CRHR1: variants seen among roughly 807,000 people sequenced by gnomAD.
CRHR1 encodes corticotropin-releasing hormone receptor 1.
In CRHR1, 28 loss-of-function variants were observed where a neutral mutation model predicts 56.0. The observed-to-expected ratio is 0.50, with a 90% CI of 0.37 to 0.69. CRHR1 has a LOEUF of 0.69. CRHR1 is among the 30% of genes least tolerant of loss of function. The pLI is 0.00. For synonymous variants in CRHR1, 195 were observed against 216.5 expected, an observed-to-expected ratio of 0.90 and a Z score of 0.87; for missense variants, 376 against 548.0, an observed-to-expected ratio of 0.69 and a Z score of 3.13.
At chr17:45,799,457 C>A (rs918435625) in intron 1 of CRHR1, 4 of 152,200 alleles carry the variant, frequency 2.6e-5, no homozygotes, top group South Asian at 2.1e-4. Context: ...GACCTCATTT[C>A]TTTTTCGCGT....
At chr17:45,823,883 G>A (rs1260701113) in intron 4 of CRHR1, among the ~76,000 whole-genome samples, 2 of 152,212 alleles carry the variant, frequency 1.3e-5, no homozygotes, top group Admixed American at 1.3e-4. Context: ...GTTCTTCCAC[G>A]GTGCTGCTCT....
At chr17:45,793,052 C>T (rs2061454498) in intron 1 of CRHR1, among the ~76,000 whole-genome samples, 4 of 152,352 alleles carry the variant, frequency 2.6e-5, no homozygotes, top group South Asian at 4.1e-4. Flanking sequence ...CCCCAATGAA[C>T]GTCTGTCTGA....
chr17:45,808,494 C>T (rs368970884), intron 2 of CRHR1, among the ~76,000 whole-genome samples: 9 of 152,320 alleles, frequency 5.9e-5, no homozygotes, highest in African/African-American at 2.2e-4. Context: ...CCTCTTGAAC[C>T]TCACCTTGCC....
At chr17:45,813,576 C>T (rs1221367966) in intron 2 of CRHR1, among the ~76,000 whole-genome samples, 2 of 152,184 alleles carry the variant, frequency 1.3e-5, no homozygotes, top group Admixed American at 6.5e-5. Flanking sequence ...GGGGGAGGCG[C>T]GGCGCTGCTG....
chr17:45,830,947 C>A lies in CRHR1; in HGVS notation c.770+7C>A. The A allele has an allele frequency of 6.2e-7, 1 of 1,613,666 alleles. No individual in the cohort carries two copies. The highest frequency in any genetic ancestry group is 8.5e-7 in the Non-Finnish European group (1 of 1,179,732). On this transcript the variant is annotated splice_region_variant and intron_variant, in intron 8 of 12. Coordinates refer to ENST00000314537, the MANE Select transcript of CRHR1 (RefSeq NM_004382.5). ...TGTACTACGACAATGAGAAGTAAGT[C>A]ATCTCCTTTCCCTTCCTGACCCCAA...
chr17:45,813,867 C>T (rs2061873374), intron 2 of CRHR1, among the ~76,000 whole-genome samples: 1 of 152,226 alleles, frequency 6.6e-6, no homozygotes, highest in African/African-American at 2.4e-5. Flanking sequence ...CTGACCTGCC[C>T]ACCCCTTGAA....
chr17:45,832,333 CA>C, intron 8 of CRHR1, among the ~76,000 whole-genome samples: 1 of 152,332 alleles, frequency 6.6e-6, no homozygotes, highest in South Asian at 2.1e-4. Flanking sequence ...AACACTGCAA[CA>C]GAGAGGATCT....
chr17:45,806,862 G>C, intron 1 of CRHR1, 148 bp from the exon 2 acceptor site: 1 of 644,782 alleles, frequency 1.6e-6, no homozygotes, highest in South Asian at 1.8e-5. Flanking sequence ...TGAGGGGCGG[G>C]TGTCTGGGAA....
chr17:45,815,420 G>A (rs549866109), intron 2 of CRHR1, among the ~76,000 whole-genome samples: 12 of 152,206 alleles, frequency 7.9e-5, no homozygotes, highest in African/African-American at 2.2e-4. Flanking sequence ...TCTCTCTCTC[G>A]CGTGCTCTCT....
intron 1 of CRHR1, among the ~76,000 whole-genome samples, chr17:45,788,152 C>T (rs970128752): frequency 1.3e-5 from 2 of 152,208 alleles, no homozygotes; most frequent in Admixed American, 6.5e-5. Flanking sequence ...CCCAAGTGCC[C>T]GTGTGGCCTA....
chr17:45,830,597 C>G (rs564362344), intron 7 of CRHR1, 27 bp downstream of exon 7: 1 of 1,583,674 alleles, frequency 6.3e-7, no homozygotes, highest in African/African-American at 1.3e-5. Flanking sequence ...CCTCCGCAGC[C>G]TGGGCAGTGG....
chr17:45,793,636 C>T (rs1336652310), intron 1 of CRHR1, among the ~76,000 whole-genome samples: 1 of 152,216 alleles, frequency 6.6e-6, no homozygotes, highest in Non-Finnish European at 1.5e-5. Context: ...TCTTTTCTCT[C>T]CTGATGGCTG....
At chr17:45,819,631 C>G (rs1411788676) in intron 3 of CRHR1, among the ~76,000 whole-genome samples, 1 of 151,886 alleles carries the variant, frequency 6.6e-6, no homozygotes, top group Admixed American at 6.6e-5. Flanking sequence ...AGCCTCAGCC[C>G]TCCGGTAACT....
intron 1 of CRHR1, among the ~76,000 whole-genome samples, chr17:45,785,298 G>C (rs2061315830): frequency 6.6e-6 from 1 of 152,268 alleles, no homozygotes; most frequent in Non-Finnish European, 1.5e-5. Flanking sequence ...GCGTCTGCCC[G>C]CTGAAGTTCG....
At chr17:45,823,956 A>G (rs2143156481) in intron 4 of CRHR1, among the ~76,000 whole-genome samples, 1 of 152,312 alleles carries the variant, frequency 6.6e-6, no homozygotes, top group South Asian at 2.1e-4. Flanking sequence ...GTGGCACTCA[A>G]GGCTGGGGTG....
At chr17:45,823,480 T>C (rs2143150722) in intron 4 of CRHR1, among the ~76,000 whole-genome samples, 1 of 146,468 alleles carries the variant, frequency 6.8e-6, no homozygotes, top group African/African-American at 2.5e-5. Flanking sequence ...CGATGTCGGC[T>C]CATTGCAACC....
At chr17:45,803,775 T>TGTGTGTGTGCGCGCGC (rs71138510) in intron 1 of CRHR1, among the ~76,000 whole-genome samples, 1 of 150,336 alleles carries the variant, frequency 6.7e-6, no homozygotes, top group South Asian at 2.1e-4. Flanking sequence ...TGTGTGTGTG[T>TGTGTGTGTGCGCGCGC]GCGTGCGCGT....
intron 1 of CRHR1, among the ~76,000 whole-genome samples, chr17:45,789,190 C>T (rs946125141): frequency 6.6e-6 from 1 of 152,102 alleles, no homozygotes; most frequent in Non-Finnish European, 1.5e-5. Flanking sequence ...GTGATCTCTC[C>T]CAGCTCTGAT....
chr17:45,796,421 T>A (rs1417405944), intron 1 of CRHR1, among the ~76,000 whole-genome samples: 1 of 152,204 alleles, frequency 6.6e-6, no homozygotes, highest in African/African-American at 2.4e-5. Flanking sequence ...GGAGCTGGGC[T>A]GCAGCCAGGA....
Sources: gnomAD v4.1 joint callset for allele counts (sites outside exome capture counted in the v4.1 genomes callset) on GRCh38, gnomAD v4.1.1 for gene constraint, MANE v1.5 for transcripts, NCBI Gene and HGNC (gene_info 2026-07-23, HGNC 2026-07-21) for gene names.